The following BCAS1 variants were observed in gnomAD, a reference collection of about 807,000 sequenced individuals.
BCAS1 encodes brain enriched myelin associated protein 1, also known as breast carcinoma-amplified sequence 1.
Under a neutral mutation model 65.4 loss-of-function variants are expected in BCAS1, and 46 were observed. That is an observed-to-expected ratio of 0.70 (90% CI 0.55 to 0.90). BCAS1 has a LOEUF of 0.90. Ranked by LOEUF, BCAS1 falls within the 40% of genes least tolerant of loss-of-function variation. The pLI is 0.00. For synonymous variants in BCAS1, 298 were observed against 293.5 expected (o/e 1.02, Z -0.16); for missense variants, 793 against 771.2 (o/e 1.03, Z -0.33).
At chr20:53,994,923 G>T in intron 6 of BCAS1, 89 bp downstream of exon 6, 7 of 969,762 alleles carry the variant, frequency 7.2e-6, no homozygotes, top group Non-Finnish European at 1.1e-5. Flanking sequence ...ACACATATAT[G>T]TATTCAAAAA....
At chr20:54,009,374 G>A (rs1240808366) in intron 4 of BCAS1, among the ~76,000 whole-genome samples, 1 of 152,114 alleles carries the variant, frequency 6.6e-6, no homozygotes, top group Non-Finnish European at 1.5e-5. Flanking sequence ...ACAAAAAAGA[G>A]AGAGCAAGAG....
intron 4 of BCAS1, among the ~76,000 whole-genome samples, chr20:54,001,064 A>AT (rs367926406): frequency 6.6e-6 from 1 of 152,190 alleles, no homozygotes; most frequent in African/African-American, 2.4e-5. Context: ...GTGGCTGGAT[A>AT]TTTTTTGTTC....
At chr20:54,032,857 C>A (rs2091829924) in intron 3 of BCAS1, among the ~76,000 whole-genome samples, 3 of 151,150 alleles carry the variant, frequency 2.0e-5, no homozygotes, top group Admixed American at 6.6e-5. Context: ...CAGACTTAGA[C>A]TCCCACACAA....
intron 4 of BCAS1, among the ~76,000 whole-genome samples, chr20:54,012,303 GGGATAA>G (rs1309144354): frequency 2.6e-5 from 4 of 152,074 alleles, no homozygotes; most frequent in African/African-American, 9.7e-5. Flanking sequence ...TATCCTTGTG[GGGATAA>G]AAATGTTCTC....
intron 7 of BCAS1, among the ~76,000 whole-genome samples, chr20:53,986,501 T>G (rs887470798): frequency 6.6e-6 from 1 of 152,140 alleles, no homozygotes; most frequent in African/African-American, 2.4e-5. Context: ...ATTTTATGAT[T>G]TTTTTTGCTC....
chr20:53,959,938 C>G (rs935773607), intron 10 of BCAS1, among the ~76,000 whole-genome samples: 14 of 152,162 alleles, frequency 9.2e-5, no homozygotes, highest in Non-Finnish European at 1.8e-4. Flanking sequence ...CTTCCCTCCT[C>G]ATAACCAGCT....
intron 8 of BCAS1, among the ~76,000 whole-genome samples, chr20:53,978,153 G>A (rs1211626915): frequency 6.7e-6 from 1 of 148,792 alleles, no homozygotes; most frequent in Admixed American, 6.8e-5. Context: ...GGTTTTTTGT[G>A]GAATACTATG....
chr20:54,039,456 C>T (rs540450470), intron 3 of BCAS1, among the ~76,000 whole-genome samples: 1 of 151,386 alleles, frequency 6.6e-6, no homozygotes, highest in Admixed American at 6.6e-5. Flanking sequence ...GTACTACTAC[C>T]CCCATGCTCT....
chr20:54,069,584 CCA>C (rs1297714543), intron 1 of BCAS1, among the ~76,000 whole-genome samples: 1 of 152,164 alleles, frequency 6.6e-6, no homozygotes, highest in African/African-American at 2.4e-5. Context: ...CCCTCTTCAC[CCA>C]GCTTCATGTT....
intron 4 of BCAS1, among the ~76,000 whole-genome samples, chr20:54,021,609 C>T (rs939047190): frequency 1.3e-5 from 2 of 151,740 alleles, no homozygotes; most frequent in African/African-American, 4.8e-5. Context: ...AAGCCATTAT[C>T]TTTGGCAAAC....
chr20:54,058,121 C>T lies in BCAS1; in HGVS notation c.106G>A (p.Val36Met), dbSNP rs200811465. 4 of 1,614,018 alleles carry T rather than the reference C, an allele frequency of 2.5e-6. No homozygotes were observed. Among genetic ancestry groups the T allele is most frequent in the South Asian group, 2.2e-5 (2 of 91,050 alleles). ...NASALNGVPVVVSTHTVQHLE... is the reference protein window; with the variant it reads ...NASALNGVPVMVSTHTVQHLE... ...TGCTGAACTGTGTGGGTCGACACCA[C>T]CACTGGAACCCCGTTCAGAGCAGAC... The change falls in exon 3 of 13, where the codon GTG becomes ATG. Residue 36 changes from valine (V) to methionine (M), a missense_variant. Val to Met is a conservative substitution (Grantham distance 21). Transcript: ENST00000688948.
chr20:53,960,469 T>TAA lies in BCAS1; in HGVS notation c.1486-2974_1486-2973dup, dbSNP rs11467629. 6.3e-3 allele frequency among the ~76,000 whole-genome samples: 395 copies of TAA among 63,104 alleles called. 3 individuals are homozygous for TAA. Among genetic ancestry groups the TAA allele is most frequent in the Non-Finnish European group, 8.7e-3 (297 of 34,208 alleles). The allele number at this position is 63,104 out of a possible 152,430, so 41.4% of individuals were successfully genotyped here. A position where few individuals can be genotyped will look rare whatever the true frequency, so the allele number is the denominator to read the frequency against. Reference sequence around the variant, plus strand: ...ATTACTGCAACAAAGTTCAACTTCTTAAAAAAAAAAAAAAAAAAAAAAAAA... The same window carrying TAA: ...ATTACTGCAACAAAGTTCAACTTCTTAAAAAAAAAAAAAAAAAAAAAAAAAAA... On this transcript the variant is annotated intron_variant, in intron 10 of 12. Transcript: ENST00000688948.
At chr20:54,015,518 T>C (rs1241320316) in intron 4 of BCAS1, among the ~76,000 whole-genome samples, 1 of 151,974 alleles carries the variant, frequency 6.6e-6, no homozygotes, top group Admixed American at 6.6e-5. Flanking sequence ...TTCAAGCCCA[T>C]GGCAAAAACA....
At chr20:54,008,682 T>G (rs1006598838) in intron 4 of BCAS1, among the ~76,000 whole-genome samples, 3 of 152,014 alleles carry the variant, frequency 2.0e-5, no homozygotes, top group Admixed American at 1.3e-4. Context: ...TGGTCAGATT[T>G]CAATTGAAGA....
intron 10 of BCAS1, among the ~76,000 whole-genome samples, chr20:53,960,689 TTTCC>T (rs901010537): frequency 4.9e-4 from 74 of 151,922 alleles, no homozygotes; most frequent in African/African-American, 1.6e-3. Flanking sequence ...TCCTTCCTTC[TTTCC>T]TTCCTTCCTT....
chr20:53,963,154 T>G (rs535606266), intron 10 of BCAS1, among the ~76,000 whole-genome samples: 53 of 151,170 alleles, frequency 3.5e-4, no homozygotes, highest in African/African-American at 1.3e-3. Flanking sequence ...CTGGCCTCTA[T>G]TTTTATTTTT....
intron 3 of BCAS1, 101 bp from the exon 4 acceptor site, chr20:54,029,073 A>C (rs1215182906): frequency 6.8e-7 from 1 of 1,463,668 alleles, no homozygotes; most frequent in African/African-American, 1.4e-5. Flanking sequence ...CATACTGCAT[A>C]CTGGAACTGT....
At chr20:53,997,704 C>T (rs1222677405) in intron 4 of BCAS1, among the ~76,000 whole-genome samples, 1 of 152,126 alleles carries the variant, frequency 6.6e-6, no homozygotes, top group Admixed American at 6.5e-5. Context: ...CCTGCAGGTA[C>T]ATCGGTGCAT....
At chr20:53,946,342 T>C (rs138923562) in intron 12 of BCAS1, among the ~76,000 whole-genome samples, 3 of 151,966 alleles carry the variant, frequency 2.0e-5, no homozygotes, top group Non-Finnish European at 4.4e-5. Context: ...GGATGTCATA[T>C]CATGGGATCC....
Sources: allele counts gnomAD v4.1 joint callset (sites outside exome capture counted in the v4.1 genomes callset), GRCh38; gene constraint gnomAD v4.1.1; transcripts MANE v1.5; gene names NCBI Gene and HGNC (gene_info 2026-07-23, HGNC 2026-07-21).